Variants in ABCG1 observed in about 807,000 individuals in gnomAD.
The protein encoded by ABCG1 is ATP-binding cassette sub-family G member 1.
A neutral mutation model predicts 69.2 loss-of-function variants in ABCG1; 29 were observed. The observed-to-expected ratio is 0.42, with a 90% CI of 0.31 to 0.57. The LOEUF (loss-of-function observed/expected upper bound fraction) is 0.57. Ranked by LOEUF, ABCG1 falls within the 20% of genes least tolerant of loss-of-function variation. The probability of loss-of-function intolerance (pLI) is 0.15; values close to 1 mark genes in which losing one functional copy is unlikely to be tolerated. For missense variants in ABCG1, 718 were observed against 898.1 expected, an observed-to-expected ratio of 0.80 and a Z score of 2.56; for synonymous variants, 370 against 374.8, an observed-to-expected ratio of 0.99 and a Z score of 0.15.
At chr21:42,279,670 C>T (rs1269137910) in intron 5 of ABCG1, among the ~76,000 whole-genome samples, 2 of 152,272 alleles carry the variant, frequency 1.3e-5, no homozygotes, top group African/African-American at 4.8e-5. Flanking sequence ...CAGCATAAGG[C>T]GACAGCCACC....
chr21:42,283,215 G>A (rs892169032), intron 6 of ABCG1, among the ~76,000 whole-genome samples: 32 of 152,232 alleles, frequency 2.1e-4, no homozygotes, highest in Non-Finnish European at 4.4e-5. Context: ...CCTTCTGAGG[G>A]GGGGATGGCG....
At chr21:42,225,628 T>C in intron 1 of ABCG1, 43 bp from the exon 2 acceptor site, 1 of 1,597,438 alleles carries the variant, frequency 6.3e-7, no homozygotes, top group Non-Finnish European at 8.5e-7. Context: ...TTTTTCTTGA[T>C]GCAGCTTATA....
At chr21:42,280,187 T>C (rs2068782673) in intron 5 of ABCG1, among the ~76,000 whole-genome samples, 1 of 152,188 alleles carries the variant, frequency 6.6e-6, no homozygotes, top group Admixed American at 6.5e-5. Context: ...GGGCCCACCA[T>C]CAGGATTGCT....
At position 42,219,927 on chromosome 21, in the gene ABCG1, C is replaced by T; in HGVS notation, c.42+623C>T. 1.9e-6 allele frequency: 3 copies of T among 1,550,682 alleles called. No individual in the cohort carries two copies. Among genetic ancestry groups the T allele is most frequent in the Non-Finnish European group, 1.7e-6 (2 of 1,146,686 alleles). On this transcript the variant is annotated intron_variant, in intron 1 of 14. Coordinates refer to ENST00000398449, the MANE Select transcript of ABCG1 (RefSeq NM_016818.3). This position sits in a 1 kb window ranked among gnomAD's most constrained non-coding sequence, Gnocchi z 5.3. Reference sequence around the variant, plus strand: ...GGGGCAAGCCCGGATTCCTGCCGGCCGCCTTTCTGCGCGCGCCGGAGAGAG... The same window carrying T: ...GGGGCAAGCCCGGATTCCTGCCGGCTGCCTTTCTGCGCGCGCCGGAGAGAG...
Position 42,273,820 on chromosome 21 carries a change from C to T in ABCG1, c.537+385C>T, listed in dbSNP as rs2068661650. Among the ~76,000 whole-genome samples the T allele has an allele frequency of 6.6e-6, 1 of 152,172 alleles. No homozygotes were observed. The highest frequency in any genetic ancestry group is 2.1e-4 in the South Asian group (1 of 4,824). Reference sequence around the variant, plus strand: ...CTTGAGTCTTTCCGTGTCTTTGGCCCAAGCACCCACTCGCCTGGTGCCTTG... The same window carrying T: ...CTTGAGTCTTTCCGTGTCTTTGGCCTAAGCACCCACTCGCCTGGTGCCTTG... On this transcript the variant is annotated intron_variant, in intron 4 of 14. Coordinates refer to ENST00000398449, the MANE Select transcript of ABCG1 (RefSeq NM_016818.3). The surrounding 1 kb of genome is among the most constrained non-coding windows in gnomAD (Gnocchi z 5.3).
chr21:42,296,067 G>A lies in ABCG1; in HGVS notation c.1773-97G>A. 1 of 1,033,714 alleles carries A rather than the reference G, an allele frequency of 9.7e-7. No individual in the cohort carries two copies. Among genetic ancestry groups the A allele is most frequent in the Non-Finnish European group, 1.5e-6 (1 of 669,466 alleles). The allele number at this position is 1,033,714 out of a possible 1,614,324, so 64.0% of individuals were successfully genotyped here. A position where few individuals can be genotyped will look rare whatever the true frequency, so the allele number is the denominator to read the frequency against. On this transcript the variant is annotated intron_variant, in intron 14 of 14. Transcript: ENST00000398449. The surrounding 1 kb of genome is among the most constrained non-coding windows in gnomAD (Gnocchi z 5.4). ...CCCTTTGGGAAGGGAGGATAGCCAA[G>A]CTGGGAATCGCAGGGAGGGTGAACG...
rs989840002 is a variant in ABCG1 at position 42,276,767 on chromosome 21, C to T, written c.538-128C>T. On this transcript the variant is annotated intron_variant, in intron 4 of 14. Coordinates refer to ENST00000398449, the MANE Select transcript of ABCG1 (RefSeq NM_016818.3). This position sits in a 1 kb window ranked among gnomAD's most constrained non-coding sequence, Gnocchi z 5.3. Reference sequence around the variant, plus strand: ...CTAGCTGCACTGTGGGTAGCTGCACCGTGGCTAGTGGCACTGTGGCTAGCT... The same window carrying T: ...CTAGCTGCACTGTGGGTAGCTGCACTGTGGCTAGTGGCACTGTGGCTAGCT... 8.9e-6 allele frequency: 8 copies of T among 901,560 alleles called. No individual in the cohort carries two copies. Among genetic ancestry groups the T allele is most frequent in the African/African-American group, 6.6e-5 (4 of 60,654 alleles). 55.8% of individuals were successfully genotyped at this position (901,560 alleles called of 1,614,324 possible).
chr21:42,283,225 G>A (rs1026786432), intron 6 of ABCG1, among the ~76,000 whole-genome samples: 3 of 152,212 alleles, frequency 2.0e-5, no homozygotes, highest in African/African-American at 4.8e-5. Flanking sequence ...GGGGGATGGC[G>A]GGGCTCACTT....
Position 42,219,289 on chromosome 21 carries a change from G to T in ABCG1, c.27G>T (p.Ser9=). Residue 9 remains serine (S), a synonymous_variant, in exon 1 of 15, where the codon TCG becomes TCT. Transcript: ENST00000398449. This position sits in a 1 kb window ranked among gnomAD's most constrained non-coding sequence, Gnocchi z 5.3. The stretch of plus-strand genomic sequence containing the variant: ...TGGCCTGTCTGATGGCCGCTTTCTC[G>T]GTCGGCACCGCCATGGTGAGTGAGC... MACLMAAF[S]VGTAMNASSY... is the part of the protein sequence containing the mutation. 1 of 1,592,538 alleles carries T rather than the reference G, an allele frequency of 6.3e-7. No homozygotes were observed. Among genetic ancestry groups the T allele is most frequent in the Non-Finnish European group, 8.5e-7 (1 of 1,173,884 alleles).
intron 5 of ABCG1, among the ~76,000 whole-genome samples, chr21:42,280,100 C>T (rs928005189): frequency 5.3e-5 from 8 of 152,342 alleles, no homozygotes; most frequent in Admixed American, 2.0e-4. Flanking sequence ...CTGGAGGCCA[C>T]GCTGCGTCCT....
chr21:42,242,363 T>C (rs1051822382), intron 2 of ABCG1, among the ~76,000 whole-genome samples: 2 of 152,112 alleles, frequency 1.3e-5, no homozygotes, highest in Admixed American at 6.5e-5. Context: ...GAGCAGAGCA[T>C]AGTAGTGTGC....
chr21:42,294,584 C>T lies in ABCG1; in HGVS notation c.1696C>T (p.Leu566=). Residue 566 remains leucine (L), a synonymous_variant, in exon 14 of 15, where the codon CTG becomes TTG. Transcript: ENST00000398449. ...CCCAGTGACAGCCATCCCGGTGCTC[C>T]TGTTCTCGGGGTTCTTCGTCAGCTT... ...VGPVTAIPVL[L]FSGFFVSFDT... The T allele has an allele frequency of 6.2e-7, 1 of 1,614,244 alleles. No individual in the cohort carries two copies. The highest frequency in any genetic ancestry group is 8.5e-7 in the Non-Finnish European group (1 of 1,180,034).
At chr21:42,263,789 C>G (rs904355219) in intron 2 of ABCG1, among the ~76,000 whole-genome samples, 1 of 152,202 alleles carries the variant, frequency 6.6e-6, no homozygotes. Context: ...CTGCAGTGGC[C>G]TCTGGGCATT....
Position 42,291,602 on chromosome 21 carries a change from C to T in ABCG1, c.1599C>T (p.Ser533=), listed in dbSNP as rs374716065. Residue 533 remains serine (S), a synonymous_variant, in exon 13 of 15, where the codon TCC becomes TCT. Transcript: ENST00000398449. The surrounding 1 kb of genome is among the most constrained non-coding windows in gnomAD (Gnocchi z 6.4). ...TTGCCGCGCTGGGCACCATGACCTCCCTGGTGGCACAGTCCCTGGGCCTGC... is the reference window on the plus strand; with the variant it reads ...TTGCCGCGCTGGGCACCATGACCTCTCTGGTGGCACAGTCCCTGGGCCTGC... ...VLFAALGTMT[S]LVAQSLGLLI... 2 of 1,610,456 alleles carry T rather than the reference C, an allele frequency of 1.2e-6. No individual in the cohort carries two copies. Among genetic ancestry groups the T allele is most frequent in the African/African-American group, 2.7e-5 (2 of 74,920 alleles).
At chr21:42,250,004 C>CAA (rs1242043497) in intron 2 of ABCG1, among the ~76,000 whole-genome samples, 4 of 84,302 alleles carry the variant, frequency 4.7e-5, no homozygotes, top group Non-Finnish European at 9.5e-5. Flanking sequence ...GATTCCATCT[C>CAA]AAAAAAAAAA....
At chr21:42,214,568 C>A (rs894845187), upstream of ABCG1, among the ~76,000 whole-genome samples, 1 of 152,226 alleles carries the variant, frequency 6.6e-6, no homozygotes. Context: ...CGAGCATGAG[C>A]ACCTGCTGTG....
chr21:42,273,548 C>T lies in ABCG1; in HGVS notation c.537+113C>T, dbSNP rs2068656510. On this transcript the variant is annotated intron_variant, in intron 4 of 14. Coordinates refer to ENST00000398449, the MANE Select transcript of ABCG1 (RefSeq NM_016818.3). This position sits in a 1 kb window ranked among gnomAD's most constrained non-coding sequence, Gnocchi z 5.3. The stretch of plus-strand genomic sequence containing the variant: ...TGCGAGGGACCCAAGGGCTCTGCCA[C>T]GCGGCCTGCACAGGGCCAGCAACCT... 10 of 1,310,330 alleles carry T rather than the reference C, an allele frequency of 7.6e-6. No individual in the cohort carries two copies. The highest frequency in any genetic ancestry group is 2.9e-5 in the South Asian group (2 of 69,146). The allele number at this position is 1,310,330 out of a possible 1,614,324, so 81.2% of individuals were successfully genotyped here.
At chr21:42,260,286 C>T (rs1474559039) in intron 2 of ABCG1, 1 of 1,449,076 alleles carries the variant, frequency 6.9e-7, no homozygotes, top group Non-Finnish European at 9.2e-7. Context: ...CGAATGGTGG[C>T]CCGGCTGGGG....
chr21:42,282,263 G>T lies in ABCG1; in HGVS notation c.589-11G>T. 1.2e-6 allele frequency: 2 copies of T among 1,609,770 alleles called. No individual in the cohort carries two copies. Among genetic ancestry groups the T allele is most frequent in the Non-Finnish European group, 1.7e-6 (2 of 1,178,920 alleles). On this transcript the variant is annotated splice_polypyrimidine_tract_variant and intron_variant, in intron 5 of 14. Transcript: ENST00000398449. ...GGCAGCTCCCAATGTCTCTCGTTCT[G>T]TTGCCCCCAGGTCAAGGAGATACTG...
Sources: allele counts gnomAD v4.1 joint callset (sites outside exome capture counted in the v4.1 genomes callset), GRCh38; gene constraint gnomAD v4.1.1; non-coding constraint Gnocchi (gnomAD v3.1); transcripts MANE v1.5; gene names NCBI Gene and HGNC (gene_info 2026-07-23, HGNC 2026-07-21).